KAT6B: variants seen among roughly 807,000 people sequenced by gnomAD.
KAT6B encodes the protein lysine acetyltransferase 6B.
Under a neutral mutation model 187.5 loss-of-function variants are expected in KAT6B, and 10 were observed. The observed-to-expected ratio is 0.05, with a 90% CI of 0.03 to 0.09. KAT6B has a LOEUF of 0.09. Among genes scored for constraint, KAT6B ranks in the 10% least tolerant of loss-of-function variants. The pLI, the probability that KAT6B is intolerant of heterozygous loss-of-function variation, is 1.00. For synonymous variants in KAT6B, 861 were observed against 926.8 expected, an observed-to-expected ratio of 0.93 and a Z score of 1.29; for missense variants, 1,952 against 2,558.9, an observed-to-expected ratio of 0.76 and a Z score of 5.12.
chr10:75,023,030 G>T (rs1226901707), intron 16 of KAT6B, among the ~76,000 whole-genome samples: 1 of 152,190 alleles, frequency 6.6e-6, no homozygotes, highest in Non-Finnish European at 1.5e-5. Context: ...AATTTTGATG[G>T]TGATATTTTG....
intron 12 of KAT6B, among the ~76,000 whole-genome samples, chr10:74,985,786 C>T (rs983982070): frequency 1.3e-5 from 2 of 152,194 alleles, no homozygotes; most frequent in Admixed American, 6.5e-5. Context: ...GTGGCTTACG[C>T]GTGTAATCCC....
intron 3 of KAT6B, among the ~76,000 whole-genome samples, chr10:74,895,058 C>T (rs1390621281): frequency 7.6e-6 from 1 of 130,966 alleles, no homozygotes; most frequent in African/African-American, 4.1e-5. Flanking sequence ...CTTATCAACA[C>T]TTGGTTTTTT....
intron 4 of KAT6B, among the ~76,000 whole-genome samples, chr10:74,966,814 C>T (rs1193464299): frequency 6.6e-6 from 1 of 152,008 alleles, no homozygotes; most frequent in Admixed American, 6.6e-5. Context: ...ATTCTTGAGG[C>T]CAGGAATTCA....
chr10:74,970,184 C>A (rs1247920451), intron 6 of KAT6B, 83 bp downstream of exon 6: 19 of 1,047,964 alleles, frequency 1.8e-5, no homozygotes, highest in Non-Finnish European at 2.8e-5. Flanking sequence ...CAGAGGTATA[C>A]AGGTTCTTTA....
chr10:75,003,671 A>G lies in KAT6B; in HGVS notation c.2629+14559A>G, dbSNP rs1589791351. Among the ~76,000 whole-genome samples, 5 of 152,274 alleles carry G rather than the reference A, an allele frequency of 3.3e-5. No homozygotes were observed. The South Asian group carries it at 1.0e-3, about 32-fold the overall frequency. On this transcript the variant is annotated intron_variant, in intron 13 of 17. Coordinates refer to ENST00000287239, the MANE Select transcript of KAT6B (RefSeq NM_012330.4). ...TATTTTTCCTTATTTTCTCATTATA[A>G]TATGTTACACTAAAAGCTTCTGCCA...
At chr10:74,836,206 C>T (rs1430544593) in intron 1 of KAT6B, among the ~76,000 whole-genome samples, 1 of 152,198 alleles carries the variant, frequency 6.6e-6, no homozygotes, top group East Asian at 1.9e-4. Flanking sequence ...CACAGTTTAT[C>T]TGTTCATCTG....
At chr10:74,862,476 T>C (rs1431716460) in intron 3 of KAT6B, among the ~76,000 whole-genome samples, 1 of 152,206 alleles carries the variant, frequency 6.6e-6, no homozygotes, top group Non-Finnish European at 1.5e-5. Flanking sequence ...TCCATGCTGC[T>C]TAAATAAAAA....
intron 10 of KAT6B, among the ~76,000 whole-genome samples, chr10:74,980,688 T>C (rs1393740790): frequency 6.6e-6 from 1 of 152,216 alleles, no homozygotes; most frequent in Non-Finnish European, 1.5e-5. Context: ...TCCAAAGACC[T>C]TGCAAGTGCT....
At chr10:74,951,025 A>C (rs145905367) in intron 3 of KAT6B, among the ~76,000 whole-genome samples, 22 of 152,196 alleles carry the variant, frequency 1.4e-4, no homozygotes, top group African/African-American at 4.8e-4. Context: ...TGAAAATTAA[A>C]TTTAAAAAGA....
At chr10:74,895,089 G>A (rs61862632) in intron 3 of KAT6B, among the ~76,000 whole-genome samples, 3,934 of 151,462 alleles carry the variant, frequency 0.026, 96 homozygotes, top group Middle Eastern at 0.041. Context: ...ATTTTAATGG[G>A]TCTGAGGTGA....
intron 3 of KAT6B, among the ~76,000 whole-genome samples, chr10:74,885,260 T>C (rs1845154616): frequency 6.6e-6 from 1 of 151,926 alleles, no homozygotes; most frequent in African/African-American, 2.4e-5. Flanking sequence ...TTTGTAGATA[T>C]GGGGTCTCTC....
chr10:74,985,202 T>C lies in KAT6B; in HGVS notation c.2496T>C (p.Asn832=). 5.0e-6 allele frequency: 8 copies of C among 1,614,106 alleles called. No homozygotes were observed. The highest frequency in any genetic ancestry group is 6.8e-6 in the Non-Finnish European group (8 of 1,179,974). Residue 832 remains asparagine (N), a synonymous_variant, in exon 12 of 18, where the codon AAT becomes AAC. Coordinates refer to ENST00000287239, the MANE Select transcript of KAT6B (RefSeq NM_012330.4). ...EPFLFYVLTK[N]DEKGCHLVGY... ...TCCTTTTTTATGTCCTTACAAAAAA[T>C]GATGAAAAGGGCTGTCATCTGGTTG...
At chr10:74,982,299 A>T in intron 11 of KAT6B, 1 of 314,408 alleles carries the variant, frequency 3.2e-6, no homozygotes. Context: ...TCACTCTTCC[A>T]GGGAATTGAG....
intron 3 of KAT6B, among the ~76,000 whole-genome samples, chr10:74,912,697 C>G (rs1384555238): frequency 2.0e-5 from 3 of 152,192 alleles, no homozygotes; most frequent in African/African-American, 7.2e-5. Flanking sequence ...TTCAAAATCA[C>G]AAATACAAAG....
chr10:74,912,402 T>TAGATAGATAGAA (rs1430416766), intron 3 of KAT6B, among the ~76,000 whole-genome samples: 5 of 151,900 alleles, frequency 3.3e-5, no homozygotes, highest in Non-Finnish European at 4.4e-5. Flanking sequence ...GATAGATAGA[T>TAGATAGATAGAA]AGATAGATAG....
intron 3 of KAT6B, among the ~76,000 whole-genome samples, chr10:74,856,366 T>C (rs1842827643): frequency 6.6e-6 from 1 of 152,084 alleles, no homozygotes; most frequent in Admixed American, 6.6e-5. Flanking sequence ...GGATTAAAGG[T>C]GTGAGCCACT....
intron 3 of KAT6B, among the ~76,000 whole-genome samples, chr10:74,874,950 T>C (rs1009282797): frequency 2.6e-5 from 4 of 152,086 alleles, no homozygotes; most frequent in African/African-American, 9.7e-5. Context: ...CCCCTACACA[T>C]GCACAATTTT....
chr10:74,976,183 G>A lies in KAT6B; in HGVS notation c.1846G>A (p.Ala616Thr), dbSNP rs1389455192. ...GATGGCTAGAGGAAGTATTTTTAAA[G>A]CAATTGCTCACTTCAAGCGAACAAC... ...WGMARGSIFK[A>T]IAHFKRTTFL... Residue 616 changes from alanine to threonine, a missense_variant, in exon 8 of 18, where the codon GCA becomes ACA. Physicochemically the swap from Ala to Thr is moderately conservative, Grantham distance 58. Around this residue, in one of 9 missense-constraint regions of KAT6B, gnomAD observed 417 missense variants for 508.9 expected, o/e 0.82. Coordinates refer to ENST00000287239, the MANE Select transcript of KAT6B (RefSeq NM_012330.4). 8 of 1,614,158 alleles carry A rather than the reference G, an allele frequency of 5.0e-6. No individual in the cohort carries two copies. Among genetic ancestry groups the A allele is most frequent in the Non-Finnish European group, 5.9e-6 (7 of 1,180,024 alleles).
intron 7 of KAT6B, among the ~76,000 whole-genome samples, chr10:74,973,386 A>G (rs529279951): frequency 4.0e-4 from 61 of 152,312 alleles, no homozygotes; most frequent in African/African-American, 1.4e-3. Context: ...AGATTTGACT[A>G]TCAGCATTAA....
Sources: allele counts gnomAD v4.1 joint callset (sites outside exome capture counted in the v4.1 genomes callset), GRCh38; gene constraint gnomAD v4.1.1; regional missense constraint gnomAD v4.1.1; transcripts MANE v1.5; gene names NCBI Gene and HGNC (gene_info 2026-07-23, HGNC 2026-07-21).